The following GALNT10 variants were observed in gnomAD, a reference collection of about 807,000 sequenced individuals.
The protein encoded by GALNT10 is GalNAc transferase 10.
A neutral mutation model predicts 75.0 loss-of-function variants in GALNT10; 41 were observed. The observed-to-expected ratio is 0.55, with a 90% CI of 0.43 to 0.71. GALNT10 has a LOEUF of 0.71. Among genes scored for constraint, GALNT10 ranks in the 30% least tolerant of loss-of-function variants. The pLI is 0.00. For missense variants in GALNT10, 727 were observed against 818.5 expected (o/e 0.89, Z 1.36); for synonymous variants, 302 against 313.0 (o/e 0.96, Z 0.37).
In GALNT10 at chr5:154,285,822, GAC is replaced by G. The variant is rs141849139; in HGVS notation, c.160-8992_160-8991del. On this transcript the variant is annotated intron_variant, in intron 1 of 11. Coordinates refer to ENST00000297107, the MANE Select transcript of GALNT10 (RefSeq NM_198321.4). ...TATTTCTAAATGCTCCTGGAGGAAA[GAC>G]AGAATCCTCACCCCTGTCCACCTCT... Among the ~76,000 whole-genome samples the G allele has an allele frequency of 3.1e-3, 473 of 152,214 alleles. 2 individuals are homozygous for G. Among genetic ancestry groups the G allele is most frequent in the African/African-American group, 0.011 (458 of 41,504 alleles).
Position 154,248,266 on chromosome 5 carries a change from A to C in GALNT10, c.160-46550A>C, listed in dbSNP as rs187802273. On this transcript the variant is annotated intron_variant, in intron 1 of 11. Transcript: ENST00000297107. ...ATGTTCATCAGGGATATTGGTCTAA[A>C]ATTCTCTTTTTTTGTTGCGTCTCTG... Among the ~76,000 whole-genome samples, 714 of 152,302 alleles carry C rather than the reference A, an allele frequency of 4.7e-3. 4 individuals carry two copies. The highest frequency in any genetic ancestry group is 0.016 in the African/African-American group (676 of 41,572).
chr5:154,302,803 A>T lies in GALNT10; in HGVS notation c.401+4724A>T, dbSNP rs372151725. On this transcript the variant is annotated intron_variant, in intron 3 of 11. Transcript: ENST00000297107. ...ACACAGTTAATTTATGACATATACT[A>T]AATGTCCTCAAAAGAACTTATAAGC... Among the ~76,000 whole-genome samples the T allele has an allele frequency of 6.5e-4, 99 of 152,298 alleles. 1 individual carries two copies. The South Asian group carries it at 0.019, about 30-fold the overall frequency.
At chr5:154,351,356 T>G (rs189855907) in intron 4 of GALNT10, among the ~76,000 whole-genome samples, 1 of 152,320 alleles carries the variant, frequency 6.6e-6, no homozygotes, top group African/African-American at 2.4e-5. Context: ...TTGTGTCCAC[T>G]CATCTGGAGC....
rs1222175505 is a variant in GALNT10, at chr5:154,298,015, T to C, written c.337T>C (p.Phe113Leu). Residue 113 changes from phenylalanine (F) to leucine (L), a missense_variant, in exon 3 of 12, where the codon TTT (phenylalanine) becomes CTT (leucine). Transcript: ENST00000297107. The surrounding 1 kb of genome is among the most constrained non-coding windows in gnomAD (Gnocchi z 4.1). ...GGATCAGGCATACCGAGAAAATGGA[T>C]TTAACATCTACGTCAGTGATAAAAT... is the stretch of plus-strand genomic sequence containing the variant. ...RVDQAYRENG[F>L]NIYVSDKISL... 1 of 1,613,348 alleles carries C rather than the reference T, an allele frequency of 6.2e-7. No individual in the cohort carries two copies. The highest frequency in any genetic ancestry group is 1.7e-5 in the Admixed American group (1 of 60,000).
chr5:154,380,418 C>T (rs112097929), intron 5 of GALNT10, 30 bp from the exon 6 acceptor site: 11 of 1,585,062 alleles, frequency 6.9e-6, no homozygotes, highest in African/African-American at 6.7e-5. Flanking sequence ...CATCCTGCTT[C>T]ATCTGATAGG....
intron 1 of GALNT10, among the ~76,000 whole-genome samples, chr5:154,192,436 C>T (rs1481275376): frequency 6.6e-6 from 1 of 152,190 alleles, no homozygotes; most frequent in African/African-American, 2.4e-5. Context: ...ATGGATTTTC[C>T]GTTCATGAAA....
Position 154,404,085 on chromosome 5 carries a change from C to A in GALNT10, c.1057-19C>A. The A allele has an allele frequency of 6.3e-7, 1 of 1,589,624 alleles. No individual in the cohort carries two copies. Among genetic ancestry groups the A allele is most frequent in the Non-Finnish European group, 8.6e-7 (1 of 1,157,586 alleles). ...TGGAAGCAGAAACGTCATCCTCTCTCTTCCTTCTTGCCATGCAGGTGTGGA... is the reference window on the plus strand; with the variant it reads ...TGGAAGCAGAAACGTCATCCTCTCTATTCCTTCTTGCCATGCAGGTGTGGA... On this transcript the variant is annotated intron_variant, in intron 7 of 11. Coordinates refer to ENST00000297107, the MANE Select transcript of GALNT10 (RefSeq NM_198321.4).
intron 5 of GALNT10, among the ~76,000 whole-genome samples, 194 bp from the exon 6 acceptor site, chr5:154,380,254 C>T (rs1202534219): frequency 1.3e-5 from 2 of 152,112 alleles, no homozygotes; most frequent in Non-Finnish European, 2.9e-5. Context: ...CTCAGGGCCC[C>T]ATGGAGAGTA....
rs781588576 is a variant in GALNT10, at chr5:154,380,517, G to C, written c.824G>C (p.Arg275Pro). The C allele has an allele frequency of 1.9e-6, 3 of 1,613,876 alleles. No individual in the cohort carries two copies. The highest frequency in any genetic ancestry group is 2.2e-5 in the East Asian group (1 of 44,872). Reference sequence around the variant, plus strand: ...GATGTAATTGACCATGACGACTTTCGGTACGAGACACAGGCAGGGGATGCC... The same window carrying C: ...GATGTAATTGACCATGACGACTTTCCGTACGAGACACAGGCAGGGGATGCC... ...MIDVIDHDDF[R>P]YETQAGDAMR... The change falls in exon 6 of 12, where the codon CGG (arginine) becomes CCG (proline). Residue 275 changes from arginine to proline, a missense_variant. Transcript: ENST00000297107.
chr5:154,283,713 C>T (rs1581954937), intron 1 of GALNT10, among the ~76,000 whole-genome samples: 1 of 152,188 alleles, frequency 6.6e-6, no homozygotes, highest in East Asian at 1.9e-4. Context: ...CCATCAGTCA[C>T]ATGTTGCTTC....
At chr5:154,414,584 T>C (rs1756467117) in intron 10 of GALNT10, among the ~76,000 whole-genome samples, 1 of 151,374 alleles carries the variant, frequency 6.6e-6, no homozygotes, top group Non-Finnish European at 1.5e-5. Flanking sequence ...GACATGGGGG[T>C]TGGTGGGGAC....
At chr5:154,220,364 G>C (rs1752960643) in intron 1 of GALNT10, 1 of 152,162 alleles carries the variant, frequency 6.6e-6, no homozygotes, top group African/African-American at 2.4e-5. Flanking sequence ...CCTGCTCACT[G>C]GGACAAAATG....
At chr5:154,305,208 A>G (rs1464734924) in intron 3 of GALNT10, among the ~76,000 whole-genome samples, 1 of 152,132 alleles carries the variant, frequency 6.6e-6, no homozygotes, top group African/African-American at 2.4e-5. Context: ...AGGTGGGAGA[A>G]TCACTTGAGC....
chr5:154,304,133 A>T (rs1338630426), intron 3 of GALNT10, among the ~76,000 whole-genome samples: 1 of 152,248 alleles, frequency 6.6e-6, no homozygotes, highest in African/African-American at 2.4e-5. Flanking sequence ...AAAAGATTTT[A>T]AAAATTGAAA....
chr5:154,386,835 A>G (rs1033294967), intron 7 of GALNT10: 10 of 314,656 alleles, frequency 3.2e-5, no homozygotes, highest in African/African-American at 1.5e-4. Context: ...AGTCACCCCA[A>G]GTTTTCCCTT....
intron 3 of GALNT10, among the ~76,000 whole-genome samples, chr5:154,311,620 T>TC (rs1754519769): frequency 6.6e-6 from 1 of 152,040 alleles, no homozygotes; most frequent in African/African-American, 2.4e-5. Flanking sequence ...AGACTTTTTT[T>TC]TTTTTTTTTA....
chr5:154,259,357 T>C (rs948754774), intron 1 of GALNT10, among the ~76,000 whole-genome samples: 2 of 152,194 alleles, frequency 1.3e-5, no homozygotes, highest in Non-Finnish European at 2.9e-5. Flanking sequence ...ACCTTCTCCT[T>C]GCATCATATC....
intron 7 of GALNT10, among the ~76,000 whole-genome samples, chr5:154,395,933 C>T (rs79635841): frequency 0.093 from 14,121 of 152,216 alleles, 1,511 homozygotes; most frequent in African/African-American, 0.26. Context: ...TGTGTTTCAA[C>T]ATGCCCTGCA....
intron 7 of GALNT10, among the ~76,000 whole-genome samples, chr5:154,400,978 C>G (rs1341057937): frequency 6.6e-6 from 1 of 152,172 alleles, no homozygotes; most frequent in East Asian, 1.9e-4. Context: ...AGTTCACATT[C>G]AGAGTCGGCC....
Sources: allele counts gnomAD v4.1 joint callset (sites outside exome capture counted in the v4.1 genomes callset), GRCh38; gene constraint gnomAD v4.1.1; non-coding constraint Gnocchi (gnomAD v3.1); transcripts MANE v1.5; gene names NCBI Gene and HGNC (gene_info 2026-07-23, HGNC 2026-07-21).